The following ALMS1 variants were observed in gnomAD, a reference collection of about 807,000 sequenced individuals.
ALMS1 encodes the protein centrosome-associated protein ALMS1.
In ALMS1, 271 loss-of-function variants were observed where a neutral mutation model predicts 352.2. The ratio of observed to expected loss-of-function variants is 0.77; its 90% CI spans 0.70 to 0.85. The LOEUF (loss-of-function observed/expected upper bound fraction) is 0.85, where lower values mean the gene tolerates loss of function less well. Ranked by LOEUF, ALMS1 falls within the 40% of genes least tolerant of loss-of-function variation. The pLI, the probability that ALMS1 is intolerant of heterozygous loss-of-function variation, is 0.00. For synonymous variants in ALMS1, 1,865 were observed against 1,761.2 expected (o/e 1.06, Z -1.48); for missense variants, 5,445 against 4,870.7 (o/e 1.12, Z -3.51).
chr2:73,508,268 T>G (rs1341446489), intron 10 of ALMS1, among the ~76,000 whole-genome samples: 1 of 148,148 alleles, frequency 6.8e-6, no homozygotes, highest in Non-Finnish European at 1.5e-5. Flanking sequence ...AGTGGCGCGA[T>G]CTCGGCTTAC....
intron 9 of ALMS1, among the ~76,000 whole-genome samples, chr2:73,482,518 A>G (rs966805937): frequency 2.2e-4 from 33 of 152,260 alleles, no homozygotes; most frequent in African/African-American, 7.5e-4. Flanking sequence ...ATGTTCATCA[A>G]GGATATTGGT....
chr2:73,423,626 A>G (rs1032997222), intron 4 of ALMS1, among the ~76,000 whole-genome samples: 1 of 68,642 alleles, frequency 1.5e-5, no homozygotes, highest in Non-Finnish European at 2.5e-5. Context: ...AGTAAAAAGT[A>G]ACCTCTGTCC....
chr2:73,410,304 G>A (rs1371662531), intron 2 of ALMS1, among the ~76,000 whole-genome samples: 2 of 152,058 alleles, frequency 1.3e-5, no homozygotes, highest in Admixed American at 6.5e-5. Flanking sequence ...CAAGAGAATC[G>A]CTTGAACCCA....
chr2:73,434,378 A>T (rs1671567932), intron 7 of ALMS1, among the ~76,000 whole-genome samples: 1 of 152,122 alleles, frequency 6.6e-6, no homozygotes, highest in African/African-American at 2.4e-5. Flanking sequence ...CCCTTTGGTT[A>T]TTTAGGAATG....
intron 10 of ALMS1, among the ~76,000 whole-genome samples, chr2:73,498,892 G>A (rs769924699): frequency 6.6e-6 from 1 of 152,120 alleles, no homozygotes; most frequent in Non-Finnish European, 1.5e-5. Context: ...CATTGAAACT[G>A]TAGATTGCTT....
intron 17 of ALMS1, among the ~76,000 whole-genome samples, chr2:73,599,791 C>A (rs894406527): frequency 2.0e-5 from 3 of 152,120 alleles, no homozygotes; most frequent in Non-Finnish European, 2.9e-5. Flanking sequence ...AAATTACTTT[C>A]ACTCAGCATT....
intron 11 of ALMS1, among the ~76,000 whole-genome samples, chr2:73,532,751 A>C (rs1341215119): frequency 3.9e-5 from 6 of 152,194 alleles, no homozygotes; most frequent in Admixed American, 3.9e-4. Flanking sequence ...CTTAAGCTGC[A>C]AAACAAAGTC....
At chr2:73,561,767 TATAAC>T (rs753765274) in intron 15 of ALMS1, among the ~76,000 whole-genome samples, 1 of 151,598 alleles carries the variant, frequency 6.6e-6, no homozygotes. Flanking sequence ...GATGAAGAAA[TATAAC>T]ATTGCAACTT....
At chr2:73,440,901 G>A (rs1192908640) in intron 7 of ALMS1, among the ~76,000 whole-genome samples, 1 of 152,174 alleles carries the variant, frequency 6.6e-6, no homozygotes, top group African/African-American at 2.4e-5. Context: ...GCCTATTTAT[G>A]TGGCTGTGAT....
Position 73,543,097 on chromosome 2 carries a change from G to A in ALMS1, c.9908-7170G>A, listed in dbSNP as rs1279220350. On this transcript the variant is annotated intron_variant, in intron 12 of 22. Transcript: ENST00000613296. ...AAAAGGACAAAGCTGGAGGCATGAC[G>A]CTACCTGACTTCAAACTATACTACA... 5.9e-5 allele frequency among the ~76,000 whole-genome samples: 9 copies of A among 152,228 alleles called. No homozygotes were observed. In the East Asian group the frequency reaches 7.7e-4, roughly 13 times the overall value.
intron 13 of ALMS1, among the ~76,000 whole-genome samples, chr2:73,556,583 A>C (rs1674546665): frequency 6.6e-6 from 1 of 151,980 alleles, no homozygotes; most frequent in African/African-American, 2.4e-5. Context: ...AAAGAACTTG[A>C]AAGCATTGTT....
In ALMS1 at chr2:73,545,179, T is replaced by TG. The variant is rs140673575; in HGVS notation, c.9908-5086dup. On this transcript the variant is annotated intron_variant, in intron 12 of 22. Coordinates refer to ENST00000613296, the MANE Select transcript of ALMS1 (RefSeq NM_001378454.1). ...ACACTTAAAAATGATTAATTTTTTG[T>TG]GGTTTTTTTTTTTTTTTTTGAAACA... Among the ~76,000 whole-genome samples, 650 of 145,498 alleles carry TG rather than the reference T, an allele frequency of 4.5e-3. 9 individuals carry two copies. Among genetic ancestry groups the TG allele is most frequent in the African/African-American group, 0.014 (552 of 38,816 alleles).
At chr2:73,469,737 T>G (rs1672430502) in intron 9 of ALMS1, 1 of 151,890 alleles carries the variant, frequency 6.6e-6, no homozygotes, top group South Asian at 2.1e-4. Context: ...GTCAAATCAG[T>G]GTCTTTGTGG....
At chr2:73,571,507 C>T (rs551977351) in intron 15 of ALMS1, among the ~76,000 whole-genome samples, 3 of 152,142 alleles carry the variant, frequency 2.0e-5, no homozygotes, top group Non-Finnish European at 4.4e-5. Flanking sequence ...AAACAGGAGC[C>T]TTCAGGCCAA....
intron 15 of ALMS1, among the ~76,000 whole-genome samples, chr2:73,570,192 A>G (rs1558698411): frequency 6.6e-6 from 1 of 152,244 alleles, no homozygotes; most frequent in Non-Finnish European, 1.5e-5. Flanking sequence ...TAGGGAAGGT[A>G]CAGTTGTCAA....
chr2:73,490,794 C>A lies in ALMS1; in HGVS notation c.8835C>A (p.Asn2945Lys). The A allele has an allele frequency of 6.2e-7, 1 of 1,614,058 alleles. No homozygotes were observed. The highest frequency in any genetic ancestry group is 1.6e-4 in the Middle Eastern group (1 of 6,062). ...ATGTAGATCATCAAATGAGAGAAAA[C>A]CATTCTCCCCTTCCTCAAGGTCAGG... ...APYVDHQMRENHSPLPQGQDS... is the reference protein window; with the variant it reads ...APYVDHQMREKHSPLPQGQDS... The change falls in exon 10 of 23, where the codon AAC (asparagine) becomes AAA (lysine). Residue 2945 changes from asparagine (N) to lysine (K), a missense_variant. Physicochemically the swap from Asn to Lys is moderately conservative, Grantham distance 94 (BLOSUM62 0). Coordinates refer to ENST00000613296, the MANE Select transcript of ALMS1 (RefSeq NM_001378454.1).
chr2:73,504,075 A>AGACTCACAAGAAAAATATGT (rs1350573059), intron 10 of ALMS1, among the ~76,000 whole-genome samples: 1 of 152,206 alleles, frequency 6.6e-6, no homozygotes, highest in African/African-American at 2.4e-5. Flanking sequence ...AAATACATAT[A>AGACTCACAAGAAAAATATGT]GACTCACAAG....
chr2:73,555,170 G>A (rs757803759), intron 13 of ALMS1, among the ~76,000 whole-genome samples: 4 of 152,170 alleles, frequency 2.6e-5, no homozygotes, highest in South Asian at 2.1e-4. Flanking sequence ...ATCAAAAAAC[G>A]TATATTTAAA....
intron 7 of ALMS1, among the ~76,000 whole-genome samples, chr2:73,441,413 ACT>A (rs1435610984): frequency 1.5e-4 from 23 of 151,642 alleles, no homozygotes; most frequent in Admixed American, 1.4e-3. Context: ...ACCTGTTGGG[ACT>A]CTCTGCCTGG....
Sources: allele counts gnomAD v4.1 joint callset (sites outside exome capture counted in the v4.1 genomes callset), GRCh38; gene constraint gnomAD v4.1.1; transcripts MANE v1.5; gene names NCBI Gene and HGNC (gene_info 2026-07-23, HGNC 2026-07-21).